SPTAN1: variants seen among roughly 807,000 people sequenced by gnomAD.
SPTAN1 encodes spectrin alpha, non-erythrocytic 1.
Under a neutral mutation model 331.3 loss-of-function variants are expected in SPTAN1, and 61 were observed. The ratio of observed to expected loss-of-function variants is 0.18; its 90% CI spans 0.15 to 0.23. SPTAN1 has a LOEUF of 0.23. Among genes scored for constraint, SPTAN1 ranks in the 10% least tolerant of loss-of-function variants. SPTAN1 has a pLI of 1.00. For missense variants in SPTAN1, 2,043 were observed against 3,147.9 expected (o/e 0.65, Z 8.40); for synonymous variants, 1,153 against 1,173.9 (o/e 0.98, Z 0.36).
chr9:128,569,745 C>T (rs1469440730), intron 3 of SPTAN1, among the ~76,000 whole-genome samples: 1 of 152,144 alleles, frequency 6.6e-6, no homozygotes, highest in East Asian at 1.9e-4. Context: ...CCTTAAGCCC[C>T]AGCTAGAACT....
At chr9:128,608,090 G>A in intron 33 of SPTAN1, 40 bp from the exon 34 acceptor site, 3 of 1,614,142 alleles carry the variant, frequency 1.9e-6, no homozygotes, top group Non-Finnish European at 2.5e-6. Context: ...TTTCCTTGCT[G>A]AAGGGCCTCA....
intron 29 of SPTAN1, 144 bp from the exon 30 acceptor site, chr9:128,604,890 G>A: frequency 2.3e-6 from 2 of 852,996 alleles, no homozygotes; most frequent in South Asian, 1.8e-5. Context: ...CTGAGATTGT[G>A]CATTGTGCTC....
chr9:128,627,648 C>A lies in SPTAN1; in HGVS notation c.6689+150C>A, dbSNP rs1328732000. 2 of 873,482 alleles carry A rather than the reference C, an allele frequency of 2.3e-6. No homozygotes were observed. The highest frequency in any genetic ancestry group is 3.7e-6 in the Non-Finnish European group (2 of 538,102). The allele number at this position is 873,482 out of a possible 1,614,324, so 54.1% of individuals were successfully genotyped here. A position where few individuals can be genotyped will look rare whatever the true frequency, so the allele number is the denominator to read the frequency against. ...TGGGCTGGCAACGCCTGGTCGGGCT[C>A]TGGAGCCGGGAGTGGGGGCATAGGT... is the stretch of plus-strand genomic sequence containing the variant. On this transcript the variant is annotated intron_variant, in intron 50 of 56. Coordinates refer to ENST00000372739, the MANE Select transcript of SPTAN1 (RefSeq NM_001130438.3). The surrounding 1 kb of genome is among the most constrained non-coding windows in gnomAD (Gnocchi z 4.9).
chr9:128,587,634 T>G lies in SPTAN1; in HGVS notation c.2807T>G (p.Met936Arg). The stretch of plus-strand genomic sequence containing the variant: ...CTACTGAAGAAACACGAAGCTTTGA[T>G]GTCAGATCTCAGTGCCTACGGCAGC... ...EALLKKHEAL[M>R]SDLSAYGSSI... The change falls in exon 20 of 57, where the codon ATG (methionine) becomes AGG (arginine). Residue 936 changes from methionine (M) to arginine (R), a missense_variant. Transcript: ENST00000372739. The G allele has an allele frequency of 5.0e-6, 8 of 1,613,974 alleles. No homozygotes were observed. The highest frequency in any genetic ancestry group is 6.8e-6 in the Non-Finnish European group (8 of 1,179,984).
chr9:128,614,832 C>G (rs551363501), intron 40 of SPTAN1, among the ~76,000 whole-genome samples: 5 of 152,228 alleles, frequency 3.3e-5, no homozygotes, highest in African/African-American at 9.6e-5. Context: ...ACTTTTTATA[C>G]TGGATTATAT....
At chr9:128,597,264 A>G (rs935686036) in intron 24 of SPTAN1, among the ~76,000 whole-genome samples, 1 of 152,190 alleles carries the variant, frequency 6.6e-6, no homozygotes, top group African/African-American at 2.4e-5. Context: ...TTGGCCTCCC[A>G]TAGTCCTGGG....
At chr9:128,570,876 G>A (rs921180479) in intron 3 of SPTAN1, among the ~76,000 whole-genome samples, 2 of 152,028 alleles carry the variant, frequency 1.3e-5, no homozygotes, top group Non-Finnish European at 2.9e-5. Context: ...AGTCAAGCTG[G>A]TCTCAAACTC....
intron 45 of SPTAN1, among the ~76,000 whole-genome samples, chr9:128,623,322 G>A (rs1858194419): frequency 1.3e-5 from 2 of 151,240 alleles, no homozygotes; most frequent in Non-Finnish European, 2.9e-5. Flanking sequence ...TGATTCTCTC[G>A]CCTTGTGCTG....
intron 32 of SPTAN1, 61 bp from the exon 33 acceptor site, chr9:128,607,788 CGGT>C (rs1321667287): frequency 2.5e-6 from 4 of 1,610,578 alleles, no homozygotes; most frequent in Non-Finnish European, 3.4e-6. Context: ...TGTGGTGAGT[CGGT>C]GGTTGACGTC....
rs1233958916 is a variant in SPTAN1, at chr9:128,561,162, T to TCAAGATCA, written c.-3-5575_-3-5568dup. 5.5e-5 allele frequency among the ~76,000 whole-genome samples: 7 copies of TCAAGATCA among 126,188 alleles called. No homozygotes were observed. The South Asian group carries it at 1.5e-3, about 26-fold the overall frequency. The allele number at this position is 126,188 out of a possible 152,430, so 82.8% of individuals were successfully genotyped here. ...AGGCGGGCGGACCACAAGGTCGAGA[T>TCAAGATCA]CAAGATCATCCTGGCCAACATAGTG... On this transcript the variant is annotated intron_variant, in intron 1 of 56. Coordinates refer to ENST00000372739, the MANE Select transcript of SPTAN1 (RefSeq NM_001130438.3).
At position 128,584,497 on chromosome 9, in the gene SPTAN1, A is replaced by G. The variant is rs1349723687; in HGVS notation, c.2409A>G (p.Lys803=). ...ATGAGGAGACGTGGATTCGAGAGAA[A>G]GAGCCCATTGCCGCATCTACCAACA... is the stretch of plus-strand genomic sequence containing the variant. ...VEDEETWIRE[K]EPIAASTNRG... is the part of the protein sequence containing the mutation. The change falls in exon 17 of 57, where the codon AAA becomes AAG. Residue 803 remains lysine, a synonymous_variant. Transcript: ENST00000372739. 3.1e-6 allele frequency: 5 copies of G among 1,614,200 alleles called. No individual in the cohort carries two copies. In the Admixed American group the frequency reaches 5.0e-5, roughly 16 times the overall value.
chr9:128,631,880 C>T lies in SPTAN1; in HGVS notation c.6763-247C>T, dbSNP rs193270705. ...GAGTCCTCGCCGTACTTGTCCTTGG[C>T]GTGCACTGCCCTCTGGCAGGTCTAC... On this transcript the variant is annotated intron_variant, in intron 52 of 56. Transcript: ENST00000372739. The T allele has an allele frequency of 1.1e-3, 589 of 553,398 alleles. 8 individuals are homozygous for T. The East Asian group carries it at 0.014, about 13-fold the overall frequency. The allele number at this position is 553,398 out of a possible 1,614,324, so 34.3% of individuals were successfully genotyped here.
Position 128,633,642 on chromosome 9 carries a change from T to A in SPTAN1, c.*308T>A. The stretch of plus-strand genomic sequence containing the variant: ...AATCTGTTTTCATGTAAAAGACAAA[T>A]AAATGATGACTTCCCCCAAAGCTTT... On this transcript the variant is annotated 3_prime_UTR_variant, in exon 57 of 57. Coordinates refer to ENST00000372739, the MANE Select transcript of SPTAN1 (RefSeq NM_001130438.3). The A allele has an allele frequency of 7.3e-7, 1 of 1,371,602 alleles. No homozygotes were observed. Among genetic ancestry groups the A allele is most frequent in the Non-Finnish European group, 1.0e-6 (1 of 1,001,092 alleles). 85.0% of individuals were successfully genotyped at this position (1,371,602 alleles called of 1,614,324 possible).
chr9:128,600,183 G>T (rs1854922802), intron 27 of SPTAN1, 68 bp downstream of exon 27: 11 of 1,533,980 alleles, frequency 7.2e-6, no homozygotes, highest in South Asian at 2.2e-5. Flanking sequence ...TCCTTTTCTG[G>T]TGTGCCTTTC....
chr9:128,585,158 G>T (rs1271778716), intron 18 of SPTAN1, among the ~76,000 whole-genome samples: 1 of 151,724 alleles, frequency 6.6e-6, no homozygotes, highest in East Asian at 1.9e-4. Context: ...GGGACTACAG[G>T]GACACACCAC....
intron 3 of SPTAN1, among the ~76,000 whole-genome samples, chr9:128,569,114 T>C (rs1850371331): frequency 6.6e-6 from 1 of 152,204 alleles, no homozygotes; most frequent in Non-Finnish European, 1.5e-5. Flanking sequence ...AATATTCCTT[T>C]TGCAGAGCAA....
intron 19 of SPTAN1, among the ~76,000 whole-genome samples, chr9:128,587,374 T>C (rs936130291): frequency 6.6e-6 from 1 of 152,206 alleles, no homozygotes. Flanking sequence ...CATAAGCCTC[T>C]GTGCCTAGAC....
rs1163954933 is a variant in SPTAN1, at chr9:128,577,011, G to A, written c.785+55G>A. On this transcript the variant is annotated intron_variant, in intron 6 of 56. Transcript: ENST00000372739. The surrounding 1 kb of genome is among the most constrained non-coding windows in gnomAD (Gnocchi z 4.2). ...GGGTCTCAACCTGGAGGGGAGTTGT[G>A]AAGCACAGGGCATGTGCTGGTGAGC... 2 of 1,613,870 alleles carry A rather than the reference G, an allele frequency of 1.2e-6. No homozygotes were observed. Among genetic ancestry groups the A allele is most frequent in the African/African-American group, 1.3e-5 (1 of 74,934 alleles).
intron 41 of SPTAN1, among the ~76,000 whole-genome samples, chr9:128,616,276 C>T (rs1007675844): frequency 2.0e-5 from 3 of 151,494 alleles, no homozygotes; most frequent in African/African-American, 7.3e-5. Context: ...TGCCACCATG[C>T]CTGGCTAATT....
Sources: gnomAD v4.1 joint callset for allele counts (sites outside exome capture counted in the v4.1 genomes callset) on GRCh38, gnomAD v4.1.1 for gene constraint, Gnocchi (gnomAD v3.1) non-coding constraint, MANE v1.5 for transcripts, NCBI Gene and HGNC (gene_info 2026-07-23, HGNC 2026-07-21) for gene names.